Variants in FAXC observed in about 807,000 individuals in gnomAD.
FAXC encodes the protein failed axon connections homolog, metaxin like GST domain containing, also known as failed axon connections homolog.
Under a neutral mutation model 41.9 loss-of-function variants are expected in FAXC, and 10 were observed. That is an observed-to-expected ratio of 0.24 (90% CI 0.15 to 0.41). The LOEUF is 0.41. Among genes scored for constraint, FAXC ranks in the 10% least tolerant of loss-of-function variants. The pLI is 1.00. For missense variants in FAXC, 399 were observed against 510.9 expected, an observed-to-expected ratio of 0.78 and a Z score of 2.11; for synonymous variants, 183 against 183.8, an observed-to-expected ratio of 1.00 and a Z score of 0.03.
intron 4 of FAXC, among the ~76,000 whole-genome samples, chr6:99,320,672 A>G (rs982041509): frequency 1.3e-4 from 20 of 152,220 alleles, no homozygotes; most frequent in Non-Finnish European, 1.5e-5. Context: ...ACTGTCCTTT[A>G]TAAGATGGCC....
intron 5 of FAXC, among the ~76,000 whole-genome samples, chr6:99,289,028 T>C (rs1326250937): frequency 6.6e-6 from 1 of 152,164 alleles, no homozygotes; most frequent in Non-Finnish European, 1.5e-5. Flanking sequence ...CATCCATTTA[T>C]CCATCCATCC....
intron 5 of FAXC, among the ~76,000 whole-genome samples, chr6:99,282,332 C>T (rs1770871155): frequency 6.6e-6 from 1 of 152,024 alleles, no homozygotes. Context: ...TGCCAAGCAG[C>T]TGAAAAAAGT....
intron 3 of FAXC, among the ~76,000 whole-genome samples, chr6:99,326,591 T>G (rs1582671294): frequency 6.6e-6 from 1 of 152,188 alleles, no homozygotes; most frequent in East Asian, 1.9e-4. Flanking sequence ...GATAGAGAAC[T>G]GGTGAGCAGG....
At chr6:99,338,523 G>A (rs979929998) in intron 2 of FAXC, among the ~76,000 whole-genome samples, 1 of 152,184 alleles carries the variant, frequency 6.6e-6, no homozygotes, top group African/African-American at 2.4e-5. Flanking sequence ...TATCAAAGGT[G>A]GGGGAGCACA....
chr6:99,306,433 G>A (rs929233555), intron 4 of FAXC, among the ~76,000 whole-genome samples: 1 of 152,210 alleles, frequency 6.6e-6, no homozygotes, highest in African/African-American at 2.4e-5. Context: ...GGGTTGTTGG[G>A]AGGATGAAGA....
chr6:99,331,231 T>G (rs772774122), intron 3 of FAXC, among the ~76,000 whole-genome samples: 27 of 152,178 alleles, frequency 1.8e-4, no homozygotes, highest in Non-Finnish European at 3.1e-4. Context: ...TCCAACATTT[T>G]TCAAATTAAA....
chr6:99,329,040 T>C (rs1332377092), intron 3 of FAXC, among the ~76,000 whole-genome samples: 3 of 152,210 alleles, frequency 2.0e-5, no homozygotes, highest in Non-Finnish European at 4.4e-5. Context: ...ACTTTTCTCT[T>C]GGAATCCATG....
In FAXC at chr6:99,333,288, G is replaced by A. The variant is rs1205177498; in HGVS notation, c.599+63C>T. On this transcript the variant is annotated intron_variant, in intron 3 of 5. Coordinates refer to ENST00000389677, the MANE Select transcript of FAXC (RefSeq NM_032511.4). ...TGCTGAAACGGTGGAAAGAGGATCT[G>A]AAAAGTGAAACAGAACCTGGGGCTT... is the stretch of plus-strand genomic sequence containing the variant. The A allele has an allele frequency of 2.2e-6, 3 of 1,395,336 alleles. No individual in the cohort carries two copies. In the East Asian group the frequency reaches 6.9e-5, roughly 32 times the overall value. 86.4% of individuals were successfully genotyped at this position (1,395,336 alleles called of 1,614,324 possible).
intron 1 of FAXC, among the ~76,000 whole-genome samples, chr6:99,344,261 T>C (rs1773519411): frequency 6.6e-6 from 1 of 152,196 alleles, no homozygotes; most frequent in Non-Finnish European, 1.5e-5. Flanking sequence ...AAGCTCATCA[T>C]TCCACACAGC....
intron 5 of FAXC, among the ~76,000 whole-genome samples, chr6:99,289,234 T>C (rs1771139621): frequency 6.6e-6 from 1 of 152,210 alleles, no homozygotes; most frequent in African/African-American, 2.4e-5. Context: ...GCTTAGGTAC[T>C]GCCTCAAACA....
chr6:99,312,545 G>C (rs764417777), intron 4 of FAXC, among the ~76,000 whole-genome samples: 7 of 152,190 alleles, frequency 4.6e-5, no homozygotes, highest in Non-Finnish European at 1.0e-4. Context: ...TAAACCCTCA[G>C]ACTCCCAGCT....
intron 3 of FAXC, among the ~76,000 whole-genome samples, chr6:99,325,596 T>A (rs541628218): frequency 1.3e-5 from 2 of 152,364 alleles, no homozygotes; most frequent in Admixed American, 1.3e-4. Context: ...TCTAGTAAAT[T>A]CTATATAGAC....
intron 2 of FAXC, among the ~76,000 whole-genome samples, chr6:99,333,903 A>G (rs1773122631): frequency 6.6e-6 from 1 of 152,204 alleles, no homozygotes; most frequent in Non-Finnish European, 1.5e-5. Flanking sequence ...TGTACAAACA[A>G]TTCAAAAACT....
intron 5 of FAXC, 143 bp from the exon 6 acceptor site, chr6:99,281,596 G>T (rs1770839475): frequency 1.7e-6 from 1 of 597,282 alleles, no homozygotes; most frequent in Non-Finnish European, 2.8e-6. Context: ...TTAAGAGGTG[G>T]TTCGTTCATG....
At chr6:99,308,644 G>T (rs889279741) in intron 4 of FAXC, among the ~76,000 whole-genome samples, 3 of 150,252 alleles carry the variant, frequency 2.0e-5, no homozygotes, top group Admixed American at 1.3e-4. Flanking sequence ...AACTTTAAAG[G>T]AATCAATACA....
intron 4 of FAXC, among the ~76,000 whole-genome samples, chr6:99,299,331 G>C (rs1023037019): frequency 3.9e-5 from 6 of 152,110 alleles, no homozygotes; most frequent in Non-Finnish European, 7.4e-5. Context: ...AACTCTATAA[G>C]TGACAAAAGA....
chr6:99,334,027 G>A (rs1275455440), intron 2 of FAXC, among the ~76,000 whole-genome samples: 1 of 152,142 alleles, frequency 6.6e-6, no homozygotes, highest in East Asian at 1.9e-4. Flanking sequence ...CACTATGAAT[G>A]AACGGTCCCC....
Position 99,281,079 on chromosome 6 carries a change from C to G in FAXC, c.*85G>C, listed in dbSNP as rs1770811952. ...CTCTGCCAAGCACGAAGATCTCCTC[C>G]CAGCTCGGATGGATTGCTACCTGGG... On this transcript the variant is annotated 3_prime_UTR_variant, in exon 6 of 6. Coordinates refer to ENST00000389677, the MANE Select transcript of FAXC (RefSeq NM_032511.4). 1 of 732,860 alleles carries G rather than the reference C, an allele frequency of 1.4e-6. No homozygotes were observed. Among genetic ancestry groups the G allele is most frequent in the Non-Finnish European group, 2.5e-6 (1 of 399,330 alleles). The allele number at this position is 732,860 out of a possible 1,614,324, so 45.4% of individuals were successfully genotyped here.
chr6:99,323,402 G>C (rs1365146949), intron 4 of FAXC, 42 bp downstream of exon 4: 2 of 1,537,488 alleles, frequency 1.3e-6, no homozygotes, highest in African/African-American at 2.7e-5. Flanking sequence ...CATGCAAAAG[G>C]AAAGAATAGC....
Sources: allele counts gnomAD v4.1 joint callset (sites outside exome capture counted in the v4.1 genomes callset), GRCh38; gene constraint gnomAD v4.1.1; transcripts MANE v1.5; gene names NCBI Gene and HGNC (gene_info 2026-07-23, HGNC 2026-07-21).